The following SPPL2A variants were observed in gnomAD, a reference collection of about 807,000 sequenced individuals.
SPPL2A encodes the protein signal peptide peptidase-like 2A.
A neutral mutation model predicts 63.8 loss-of-function variants in SPPL2A; 51 were observed. The ratio of observed to expected loss-of-function variants is 0.80; its 90% CI spans 0.64 to 1.01. The LOEUF is 1.01. Ranked by LOEUF, SPPL2A falls within the 50% of genes least tolerant of loss-of-function variation. The probability of loss-of-function intolerance (pLI) is 0.00; values close to 1 mark genes in which losing one functional copy is unlikely to be tolerated. For missense variants in SPPL2A, 553 were observed against 622.7 expected, an observed-to-expected ratio of 0.89 and a Z score of 1.19; for synonymous variants, 188 against 205.8, an observed-to-expected ratio of 0.91 and a Z score of 0.74.
In SPPL2A at chr15:50,728,875, G is replaced by A. The variant is rs141277430; in HGVS notation, c.1089+2090C>T. Among the ~76,000 whole-genome samples, 938 of 150,358 alleles carry A rather than the reference G, an allele frequency of 6.2e-3. 17 individuals carry two copies. Among genetic ancestry groups the A allele is most frequent in the African/African-American group, 0.022 (900 of 40,820 alleles). The stretch of plus-strand genomic sequence containing the variant: ...TGTTGCCCGGCTGGAGTGCAGTGGC[G>A]CAATCTTGGCTCACTGCAACCTCCA... On this transcript the variant is annotated intron_variant, in intron 10 of 14. Coordinates refer to ENST00000261854, the MANE Select transcript of SPPL2A (RefSeq NM_032802.4).
At chr15:50,729,996 TA>T (rs10658387) in intron 10 of SPPL2A, among the ~76,000 whole-genome samples, 1 of 146,932 alleles carries the variant, frequency 6.8e-6, no homozygotes. Flanking sequence ...CTCGGCCTTT[TA>T]AAAAAAAAGA....
At position 50,739,823 on chromosome 15, in the gene SPPL2A, T is replaced by C; in HGVS notation, c.590A>G (p.Asn197Ser). 6.3e-7 allele frequency: 1 copy of C among 1,598,626 alleles called. No individual in the cohort carries two copies. Among genetic ancestry groups the C allele is most frequent in the South Asian group, 1.1e-5 (1 of 87,992 alleles). ...ATCTTCAGTTGTCACTGCTTTCAAG[T>C]TTTCCCTGTACAAACACACAGGAAC... Reference protein sequence around the residue: ...GYWSGLVELENLKAVTTEDRE... With the variant: ...GYWSGLVELESLKAVTTEDRE... The change falls in exon 6 of 15, where the codon AAC (asparagine) becomes AGC (serine). Residue 197 changes from asparagine to serine, a missense_variant. Asn to Ser is a conservative substitution (Grantham distance 46, BLOSUM62 1). Coordinates refer to ENST00000261854, the MANE Select transcript of SPPL2A (RefSeq NM_032802.4).
In SPPL2A at chr15:50,725,311, T is replaced by A; in HGVS notation, c.1159A>T (p.Ile387Phe). ...FGNNEKLPVV[I>F]RVPKLIYFSV... The stretch of plus-strand genomic sequence containing the variant: ...AAATAGATCAGTTTTGGTACTCTGA[T>A]GACTACTGGCAACTGTTCAAAAACA... The change falls in exon 12 of 15, where the codon ATC (isoleucine) becomes TTC (phenylalanine). Residue 387 changes from isoleucine to phenylalanine, a missense_variant. Transcript: ENST00000261854. 2 of 1,583,018 alleles carry A rather than the reference T, an allele frequency of 1.3e-6. No individual in the cohort carries two copies. Among genetic ancestry groups the A allele is most frequent in the Non-Finnish European group, 1.7e-6 (2 of 1,157,452 alleles).
intron 8 of SPPL2A, 109 bp from the exon 9 acceptor site, chr15:50,732,793 C>A: frequency 4.4e-6 from 3 of 679,186 alleles, no homozygotes; most frequent in South Asian, 4.1e-5. Flanking sequence ...TTTGACTATT[C>A]CTTTTTTTTT....
rs916983090 is a variant in SPPL2A at position 50,765,689 on chromosome 15, C to A, written c.-156G>T. The A allele has an allele frequency of 9.5e-6, 4 of 420,088 alleles. No individual in the cohort carries two copies. Among genetic ancestry groups the A allele is most frequent in the Non-Finnish European group, 1.6e-5 (4 of 244,322 alleles). 26.0% of individuals were successfully genotyped at this position (420,088 alleles called of 1,614,324 possible). A position where few individuals can be genotyped will look rare whatever the true frequency, so the allele number is the denominator to read the frequency against. On this transcript the variant is annotated 5_prime_UTR_variant, in exon 1 of 15. Transcript: ENST00000261854. Reference sequence around the variant, plus strand: ...ACTGGACCGCCGCTGCTACAGCGGCCGCCACAGCAGCGCGACTTCCTCTTC... The same window carrying A: ...ACTGGACCGCCGCTGCTACAGCGGCAGCCACAGCAGCGCGACTTCCTCTTC...
chr15:50,732,095 A>C (rs1448035117), intron 9 of SPPL2A, among the ~76,000 whole-genome samples: 1 of 152,056 alleles, frequency 6.6e-6, no homozygotes, highest in African/African-American at 2.4e-5. Flanking sequence ...TCTCTACAAA[A>C]CCAAACAAAC....
intron 13 of SPPL2A, 65 bp downstream of exon 13, chr15:50,722,059 G>T: frequency 1.1e-6 from 1 of 891,998 alleles, no homozygotes; most frequent in Non-Finnish European, 1.8e-6. Flanking sequence ...TTTATTTTTA[G>T]ACCTCTGTCT....
chr15:50,741,881 G>A (rs1029837892), intron 5 of SPPL2A, among the ~76,000 whole-genome samples: 8 of 151,502 alleles, frequency 5.3e-5, no homozygotes, highest in African/African-American at 1.7e-4. Flanking sequence ...CAGCAGAATC[G>A]CTTGAACCTG....
chr15:50,735,438 A>G (rs1242140701), intron 8 of SPPL2A, among the ~76,000 whole-genome samples: 1 of 151,756 alleles, frequency 6.6e-6, no homozygotes, highest in Admixed American at 6.6e-5. Flanking sequence ...AGAGATCTTC[A>G]TTGTTTAGAG....
At chr15:50,720,259 ATCT>A (rs570962397) in intron 13 of SPPL2A, among the ~76,000 whole-genome samples, 159 bp from the exon 14 acceptor site, 576 of 152,312 alleles carry the variant, frequency 3.8e-3, no homozygotes, top group Middle Eastern at 0.014. Context: ...ATTAGGAGAC[ATCT>A]TCTATGGAGC....
rs1047970029 is a variant in SPPL2A, at chr15:50,765,511, GACAGCCGCCGCTGCGGCC to G, written c.5_22del (p.Gly2_Ser8delinsAla). On this transcript the variant is annotated inframe_deletion, in exon 1 of 15. Transcript: ENST00000261854. ...CCAGAGTAGGGCGGCCCCGGCAGGG[GACAGCCGCCGCTGCGGCC>G]CCATCGGACTGGTGGGTGCCGGGTG... 2.0e-6 allele frequency: 3 copies of G among 1,500,448 alleles called. No homozygotes were observed. In the African/African-American group the frequency reaches 4.3e-5, roughly 22 times the overall value. The allele number at this position is 1,500,448 out of a possible 1,614,324, so 92.9% of individuals were successfully genotyped here. A position where few individuals can be genotyped will look rare whatever the true frequency, so the allele number is the denominator to read the frequency against.
At position 50,717,258 on chromosome 15, in the gene SPPL2A, C is replaced by G. The variant is rs1242716675; in HGVS notation, c.1488+2682G>C. ...GGTGCAATCATGGCCCACTGAAGCC[C>G]CTATCTTCCGGACTCAAGCAATCCT... is the stretch of plus-strand genomic sequence containing the variant. On this transcript the variant is annotated intron_variant, in intron 14 of 14. Transcript: ENST00000261854. Among the ~76,000 whole-genome samples the G allele has an allele frequency of 2.0e-5, 3 of 152,106 alleles. No individual in the cohort carries two copies. In the East Asian group the frequency reaches 5.8e-4, roughly 29 times the overall value.
intron 14 of SPPL2A, among the ~76,000 whole-genome samples, chr15:50,718,866 C>G (rs768515101): frequency 1.3e-5 from 2 of 152,120 alleles, no homozygotes; most frequent in Admixed American, 6.6e-5. Flanking sequence ...AAGTGTCTCT[C>G]TTTTTGTTCA....
intron 1 of SPPL2A, among the ~76,000 whole-genome samples, chr15:50,754,075 G>A (rs1168088747): frequency 6.6e-6 from 1 of 152,202 alleles, no homozygotes; most frequent in Non-Finnish European, 1.5e-5. Context: ...GGGATTACAG[G>A]CGTGAGCCAC....
chr15:50,747,001 A>ATTTT (rs1461598835), intron 5 of SPPL2A, among the ~76,000 whole-genome samples: 1 of 152,150 alleles, frequency 6.6e-6, no homozygotes, highest in East Asian at 1.9e-4. Context: ...CAGTAGTACC[A>ATTTT]TTTTAGTTGG....
rs2062525105 is a variant in SPPL2A at position 50,707,994 on chromosome 15, CCTT to C, written c.1489-123_1489-121del. 3 of 652,784 alleles carry C rather than the reference CCTT, an allele frequency of 4.6e-6. No homozygotes were observed. In the East Asian group the frequency reaches 8.0e-5, roughly 17 times the overall value. 40.4% of individuals were successfully genotyped at this position (652,784 alleles called of 1,614,324 possible). A position where few individuals can be genotyped will look rare whatever the true frequency, so the allele number is the denominator to read the frequency against. On this transcript the variant is annotated intron_variant, in intron 14 of 14. Transcript: ENST00000261854. Reference sequence around the variant, plus strand: ...AGATTGCTCTATGAAACTGAGCACTCCTTCTGGAGCACTGTTCTGGTTCAACAT... The same window carrying C: ...AGATTGCTCTATGAAACTGAGCACTCCTGGAGCACTGTTCTGGTTCAACAT...
chr15:50,717,566 T>C lies in SPPL2A; in HGVS notation c.1488+2374A>G, dbSNP rs549461939. ...CTTAAATGGTCTCCAGTGCTTAGTA[T>C]AGAGTCCAAACTCTTAAATGTGGCT... On this transcript the variant is annotated intron_variant, in intron 14 of 14. Transcript: ENST00000261854. 4.6e-5 allele frequency among the ~76,000 whole-genome samples: 7 copies of C among 152,316 alleles called. No homozygotes were observed. The East Asian group carries it at 7.7e-4, about 17-fold the overall frequency.
chr15:50,722,287 T>A (rs1180035364), intron 12 of SPPL2A, 86 bp from the exon 13 acceptor site: 1 of 746,414 alleles, frequency 1.3e-6, no homozygotes, highest in African/African-American at 1.8e-5. Context: ...ATATGTTATA[T>A]TGAATCTTCA....
intron 8 of SPPL2A, among the ~76,000 whole-genome samples, chr15:50,734,281 C>G (rs1023507312): frequency 1.3e-5 from 2 of 151,986 alleles, no homozygotes; most frequent in Admixed American, 6.6e-5. Flanking sequence ...ATTATACACA[C>G]TCATATATAT....
Sources: allele counts gnomAD v4.1 joint callset (sites outside exome capture counted in the v4.1 genomes callset), GRCh38; gene constraint gnomAD v4.1.1; transcripts MANE v1.5; gene names NCBI Gene and HGNC (gene_info 2026-07-23, HGNC 2026-07-21).